The following NAALADL2 variants were observed in gnomAD, a reference collection of about 807,000 sequenced individuals.
NAALADL2 encodes N-acetylated alpha-linked acidic dipeptidase like 2.
A neutral mutation model predicts 87.2 loss-of-function variants in NAALADL2; 76 were observed. That is an observed-to-expected ratio of 0.87 (90% CI 0.72 to 1.05). The LOEUF (loss-of-function observed/expected upper bound fraction) is 1.05. Ranked by LOEUF, NAALADL2 falls within the 50% of genes least tolerant of loss-of-function variation. NAALADL2 has a pLI of 0.00. For synonymous variants in NAALADL2, 354 were observed against 331.0 expected (o/e 1.07, Z -0.75); for missense variants, 1,089 against 945.8 (o/e 1.15, Z -1.99).
intron 2 of NAALADL2, among the ~76,000 whole-genome samples, chr3:174,673,084 A>G (rs1726725182): frequency 6.6e-6 from 1 of 152,076 alleles, no homozygotes; most frequent in Admixed American, 6.6e-5. Flanking sequence ...AGAAAGAAAT[A>G]GAGAAAATAA....
intron 10 of NAALADL2, chr3:175,581,051 T>G (rs1719690053): frequency 4.3e-6 from 1 of 233,808 alleles, no homozygotes; most frequent in Non-Finnish European, 9.0e-6. Context: ...TAATACAAAC[T>G]AATGAAAATA....
At chr3:175,040,927 A>G (rs955226599) in intron 1 of NAALADL2, among the ~76,000 whole-genome samples, 2 of 152,152 alleles carry the variant, frequency 1.3e-5, no homozygotes, top group African/African-American at 4.8e-5. Flanking sequence ...ACAGCAAGTA[A>G]CTGTAGACAC....
At chr3:175,487,360 C>T (rs7646041) in intron 9 of NAALADL2, among the ~76,000 whole-genome samples, 119,579 of 152,132 alleles carry the variant, frequency 0.79, 47,063 homozygotes, top group Middle Eastern at 0.81. Flanking sequence ...CAGGAGGACA[C>T]TGAGGCATAG....
At chr3:174,823,686 A>G (rs1468728542) in intron 3 of NAALADL2, among the ~76,000 whole-genome samples, 1 of 152,118 alleles carries the variant, frequency 6.6e-6, no homozygotes, top group East Asian at 1.9e-4. Flanking sequence ...CTGTAACATA[A>G]GTTATTCTTT....
intron 2 of NAALADL2, among the ~76,000 whole-genome samples, chr3:174,721,187 T>A (rs1731678053): frequency 1.3e-5 from 2 of 152,184 alleles, no homozygotes; most frequent in Non-Finnish European, 2.9e-5. Context: ...AAATCTGAGT[T>A]ATAATAAAGC....
chr3:175,633,119 A>G (rs1728030866), intron 11 of NAALADL2, among the ~76,000 whole-genome samples: 1 of 152,090 alleles, frequency 6.6e-6, no homozygotes, highest in Non-Finnish European at 1.5e-5. Context: ...CAAGACAGAA[A>G]TATTATAAGG....
intron 1 of NAALADL2, among the ~76,000 whole-genome samples, chr3:174,879,679 T>C (rs73174794): frequency 0.029 from 4,425 of 152,176 alleles, 102 homozygotes; most frequent in South Asian, 0.064. Flanking sequence ...TAATTTTTTT[T>C]GGCCTCACTA....
chr3:174,894,960 G>A (rs1033137201), intron 1 of NAALADL2, among the ~76,000 whole-genome samples: 1 of 151,976 alleles, frequency 6.6e-6, no homozygotes, highest in African/African-American at 2.4e-5. Context: ...AAGAAGGAAA[G>A]TGATAAATAT....
At chr3:175,702,125 A>G (rs951004798) in intron 11 of NAALADL2, among the ~76,000 whole-genome samples, 2 of 152,188 alleles carry the variant, frequency 1.3e-5, no homozygotes, top group Non-Finnish European at 2.9e-5. Flanking sequence ...ATTTAACAAG[A>G]TAACACATGG....
At chr3:175,278,643 A>G (rs190172362) in intron 4 of NAALADL2, among the ~76,000 whole-genome samples, 1 of 152,130 alleles carries the variant, frequency 6.6e-6, no homozygotes, top group Non-Finnish European at 1.5e-5. Flanking sequence ...TTTGGACTCT[A>G]CCAGTTGGCA....
chr3:174,930,767 A>G (rs149977012), intron 1 of NAALADL2, among the ~76,000 whole-genome samples: 3,307 of 150,944 alleles, frequency 0.022, 124 homozygotes, highest in African/African-American at 0.074. Context: ...GACTACAGGC[A>G]CCCGCCACCA....
chr3:175,334,050 T>C (rs544049968), intron 5 of NAALADL2, among the ~76,000 whole-genome samples: 1 of 152,312 alleles, frequency 6.6e-6, no homozygotes, highest in Admixed American at 6.5e-5. Flanking sequence ...CACGCTTACT[T>C]TCTGACACAG....
intron 1 of NAALADL2, among the ~76,000 whole-genome samples, chr3:175,007,530 G>A (rs549805850): frequency 6.6e-6 from 1 of 152,184 alleles, no homozygotes; most frequent in African/African-American, 2.4e-5. Flanking sequence ...AGGCCCCTGG[G>A]GCTATAGATT....
intron 12 of NAALADL2, among the ~76,000 whole-genome samples, chr3:175,752,637 G>A (rs1389016002): frequency 6.6e-6 from 1 of 152,074 alleles, no homozygotes. Flanking sequence ...GTTGTGAGTG[G>A]CTAGTTTCCA....
intron 10 of NAALADL2, among the ~76,000 whole-genome samples, chr3:175,592,353 A>G (rs1408704467): frequency 9.2e-6 from 1 of 108,656 alleles, no homozygotes; most frequent in Non-Finnish European, 1.8e-5. Context: ...GAGTTCAATT[A>G]TTTTTTCTTA....
intron 1 of NAALADL2, among the ~76,000 whole-genome samples, chr3:174,979,977 C>T (rs1744901317): frequency 6.6e-6 from 1 of 152,084 alleles, no homozygotes. Flanking sequence ...GATTTGACTT[C>T]TTGTGACCAC....
intron 2 of NAALADL2, among the ~76,000 whole-genome samples, chr3:174,729,632 A>C (rs1287380062): frequency 6.6e-6 from 1 of 152,046 alleles, no homozygotes; most frequent in Non-Finnish European, 1.5e-5. Flanking sequence ...TAACTATGCA[A>C]ATTTTACAAA....
intron 3 of NAALADL2, among the ~76,000 whole-genome samples, chr3:174,778,673 C>T (rs992889147): frequency 1.3e-5 from 2 of 152,068 alleles, no homozygotes; most frequent in Non-Finnish European, 2.9e-5. Flanking sequence ...GTTCCCCTCC[C>T]TGTGTCCATA....
chr3:175,378,606 G>C (rs1421232645), intron 5 of NAALADL2, among the ~76,000 whole-genome samples: 1 of 152,138 alleles, frequency 6.6e-6, no homozygotes, highest in East Asian at 1.9e-4. Flanking sequence ...TCTATGTGAA[G>C]CTCCCACTTC....
Sources: allele counts gnomAD v4.1 joint callset (sites outside exome capture counted in the v4.1 genomes callset), GRCh38; gene constraint gnomAD v4.1.1; transcripts MANE v1.5; gene names NCBI Gene and HGNC (gene_info 2026-07-23, HGNC 2026-07-21).